Variants in PRR16 observed in about 807,000 individuals in gnomAD.
PRR16 encodes the protein protein Largen.
Under a neutral mutation model 18.2 loss-of-function variants are expected in PRR16, and 6 were observed. The observed-to-expected ratio is 0.33, with a 90% CI of 0.18 to 0.65. The LOEUF (loss-of-function observed/expected upper bound fraction) is 0.65, where lower values mean the gene tolerates loss of function less well. PRR16 is among the 30% of genes least tolerant of loss of function. The pLI is 0.74. For synonymous variants in PRR16, 151 were observed against 147.8 expected (o/e 1.02, Z -0.16); for missense variants, 412 against 376.6 (o/e 1.09, Z -0.78).
At chr5:120,521,743 A>T (rs1338918774) in intron 1 of PRR16, among the ~76,000 whole-genome samples, 1 of 152,066 alleles carries the variant, frequency 6.6e-6, no homozygotes, top group Non-Finnish European at 1.5e-5. Context: ...ACATATGTAT[A>T]CATGTGCCAT....
At chr5:120,492,753 CTA>C (rs1372559621) in intron 1 of PRR16, among the ~76,000 whole-genome samples, 1 of 152,108 alleles carries the variant, frequency 6.6e-6, no homozygotes, top group Non-Finnish European at 1.5e-5. Flanking sequence ...TTATATCACT[CTA>C]TATGTTTTGG....
At chr5:120,598,829 C>A (rs956126377) in intron 1 of PRR16, among the ~76,000 whole-genome samples, 1 of 151,790 alleles carries the variant, frequency 6.6e-6, no homozygotes, top group African/African-American at 2.4e-5. Flanking sequence ...CAATACCCAG[C>A]AGTCTTCTTT....
chr5:120,679,102 G>C (rs1307823638), intron 1 of PRR16, among the ~76,000 whole-genome samples: 1 of 151,782 alleles, frequency 6.6e-6, no homozygotes, highest in Non-Finnish European at 1.5e-5. Flanking sequence ...TTGTATACAT[G>C]GTTTAAAAAA....
chr5:120,542,283 C>G (rs999990679), intron 1 of PRR16, among the ~76,000 whole-genome samples: 3 of 152,062 alleles, frequency 2.0e-5, no homozygotes, highest in African/African-American at 4.8e-5. Context: ...TTACTTCTAA[C>G]TCGTATGGCA....
chr5:120,735,663 T>TTTTTTG, the PRR16 span, among the ~76,000 whole-genome samples: 9 of 151,646 alleles, frequency 5.9e-5, no homozygotes, highest in South Asian at 2.1e-4. Context: ...TACTCATATT[T>TTTTTTG]TTGTTGTTGT....
chr5:120,750,220 T>A, the PRR16 span, among the ~76,000 whole-genome samples: 1 of 152,112 alleles, frequency 6.6e-6, no homozygotes, highest in Non-Finnish European at 1.5e-5. Context: ...GTCATTTGAT[T>A]TTTTTCAAAA....
At chr5:120,512,451 T>C (rs1750859126) in intron 1 of PRR16, among the ~76,000 whole-genome samples, 1 of 152,136 alleles carries the variant, frequency 6.6e-6, no homozygotes, top group Admixed American at 6.6e-5. Flanking sequence ...TCTCTTGCTC[T>C]GAGAGGCCTG....
intron 1 of PRR16, among the ~76,000 whole-genome samples, chr5:120,550,909 A>G (rs1752234023): frequency 6.6e-6 from 1 of 152,056 alleles, no homozygotes; most frequent in African/African-American, 2.4e-5. Context: ...AAGTTTACTA[A>G]GTATACCTGA....
the PRR16 span, among the ~76,000 whole-genome samples, chr5:120,748,402 T>C: frequency 0.15 from 22,442 of 152,096 alleles, 2,509 homozygotes; most frequent in African/African-American, 0.31. Context: ...ATGTATAACT[T>C]ATTCTTTCAT....
At chr5:120,466,544 G>A (rs184170292) in intron 1 of PRR16, among the ~76,000 whole-genome samples, 138 of 152,234 alleles carry the variant, frequency 9.1e-4, no homozygotes, top group Non-Finnish European at 1.5e-3. Flanking sequence ...ACATGGTCCT[G>A]GTTTTGCTTT....
chr5:120,612,455 A>G (rs997852348), intron 1 of PRR16, among the ~76,000 whole-genome samples: 2 of 152,258 alleles, frequency 1.3e-5, no homozygotes, highest in African/African-American at 4.8e-5. Context: ...TGTGGGAGGG[A>G]CAGGGGAAGG....
intron 1 of PRR16, among the ~76,000 whole-genome samples, chr5:120,656,221 T>C (rs1216471675): frequency 6.6e-6 from 1 of 151,940 alleles, no homozygotes; most frequent in Non-Finnish European, 1.5e-5. Flanking sequence ...ACTGAAGTTC[T>C]GCAAGTACAC....
chr5:120,788,357 A>C, the PRR16 span, among the ~76,000 whole-genome samples: 1 of 152,120 alleles, frequency 6.6e-6, no homozygotes, highest in Non-Finnish European at 1.5e-5. Flanking sequence ...CCCATATTAC[A>C]TAACCGTTAA....
intron 1 of PRR16, among the ~76,000 whole-genome samples, chr5:120,487,037 T>A (rs1295936372): frequency 6.6e-6 from 1 of 152,208 alleles, no homozygotes; most frequent in East Asian, 1.9e-4. Context: ...CCATGCTGTT[T>A]TGGTTACTGT....
chr5:120,559,286 A>G (rs752761684), intron 1 of PRR16, among the ~76,000 whole-genome samples: 34 of 152,074 alleles, frequency 2.2e-4, no homozygotes, highest in Non-Finnish European at 4.0e-4. Context: ...TTGAAGTCTT[A>G]GATTTGTCTT....
the PRR16 span, among the ~76,000 whole-genome samples, chr5:120,736,683 T>C: frequency 6.6e-6 from 1 of 151,958 alleles, no homozygotes; most frequent in Non-Finnish European, 1.5e-5. Flanking sequence ...TTGAGTAGTA[T>C]GTATTTTAAC....
chr5:120,575,952 G>A (rs1025933710), intron 1 of PRR16, among the ~76,000 whole-genome samples: 17 of 152,168 alleles, frequency 1.1e-4, no homozygotes, highest in Admixed American at 2.6e-4. Flanking sequence ...GCAATAAATA[G>A]TGCTGGTATA....
intron 1 of PRR16, among the ~76,000 whole-genome samples, chr5:120,471,030 A>G (rs1415013882): frequency 2.6e-5 from 4 of 152,184 alleles, no homozygotes; most frequent in African/African-American, 4.8e-5. Flanking sequence ...CAGCGTATGT[A>G]TGGACACTGT....
At chr5:120,619,711 T>G (rs1179005524) in intron 1 of PRR16, among the ~76,000 whole-genome samples, 1 of 152,100 alleles carries the variant, frequency 6.6e-6, no homozygotes, top group Non-Finnish European at 1.5e-5. Flanking sequence ...GTTTGATATC[T>G]TTATCATTTT....
Sources: gnomAD v4.1 joint callset for allele counts (sites outside exome capture counted in the v4.1 genomes callset) on GRCh38, gnomAD v4.1.1 for gene constraint, MANE v1.5 for transcripts, NCBI Gene and HGNC (gene_info 2026-07-23, HGNC 2026-07-21) for gene names.